Variants in AGBL1 observed in about 807,000 individuals in gnomAD.
AGBL1 encodes AGBL carboxypeptidase 1, also known as cytosolic carboxypeptidase 4.
AGBL1 carries 130 observed loss-of-function variants against 118.9 expected under a neutral mutation model. The observed-to-expected ratio is 1.09, with a 90% CI of 0.95 to 1.26. AGBL1 has a LOEUF of 1.26. Among genes scored for constraint, AGBL1 ranks in the 50% most tolerant of loss-of-function variants. The probability of loss-of-function intolerance (pLI) is 0.00; values close to 1 mark genes in which losing one functional copy is unlikely to be tolerated. For missense variants in AGBL1, 1,584 were observed against 1,298.1 expected (o/e 1.22, Z -3.38); for synonymous variants, 555 against 478.9 (o/e 1.16, Z -2.08).
At chr15:86,507,030 C>T (rs1233234224) in intron 18 of AGBL1, among the ~76,000 whole-genome samples, 1 of 151,922 alleles carries the variant, frequency 6.6e-6, no homozygotes, top group East Asian at 1.9e-4. Flanking sequence ...TGACATTTTT[C>T]TGATCCATGA....
At chr15:86,959,850 T>G (rs2080973708) in intron 23 of AGBL1, among the ~76,000 whole-genome samples, 1 of 152,054 alleles carries the variant, frequency 6.6e-6, no homozygotes, top group Non-Finnish European at 1.5e-5. Context: ...TATTTCCAGG[T>G]CAGATTTAGC....
intron 22 of AGBL1, among the ~76,000 whole-genome samples, chr15:86,785,520 G>T (rs115438193): frequency 6.6e-6 from 1 of 151,606 alleles, no homozygotes; most frequent in South Asian, 2.1e-4. Context: ...GACTACAGGC[G>T]CACATCACCA....
At position 86,181,148 on chromosome 15, in the gene AGBL1, ACTC is replaced by A. The variant is rs376487374; in HGVS notation, c.488+22126_488+22128del. Reference sequence around the variant, plus strand: ...CACACACCTATCATATTGTTCACACACTCCTCTTCTGGGTATTCATTTACACAA... The same window carrying A: ...CACACACCTATCATATTGTTCACACACTCTTCTGGGTATTCATTTACACAA... On this transcript the variant is annotated intron_variant, in intron 5 of 22. Transcript: ENST00000614907. Among the ~76,000 whole-genome samples, 657 of 151,994 alleles carry A rather than the reference ACTC, an allele frequency of 4.3e-3. 4 individuals carry two copies. The highest frequency in any genetic ancestry group is 0.015 in the African/African-American group (633 of 41,490).
At chr15:86,885,946 A>G (rs189407369) in intron 22 of AGBL1, among the ~76,000 whole-genome samples, 44 of 152,352 alleles carry the variant, frequency 2.9e-4, no homozygotes, top group African/African-American at 8.4e-4. Flanking sequence ...GCAACACTAA[A>G]TCCTTTTATC....
chr15:86,146,101 C>A (rs2141660987), intron 3 of AGBL1, among the ~76,000 whole-genome samples: 1 of 152,188 alleles, frequency 6.6e-6, no homozygotes, highest in African/African-American at 2.4e-5. Context: ...AGCTGTGTGA[C>A]CTTGGGCAAA....
chr15:86,887,160 C>A (rs1318314163), intron 22 of AGBL1, among the ~76,000 whole-genome samples: 1 of 152,134 alleles, frequency 6.6e-6, no homozygotes, highest in East Asian at 1.9e-4. Flanking sequence ...TAATAAGGTA[C>A]ATATATGTAA....
intron 18 of AGBL1, among the ~76,000 whole-genome samples, chr15:86,494,369 G>T (rs758223717): frequency 6.6e-6 from 1 of 152,024 alleles, no homozygotes; most frequent in Non-Finnish European, 1.5e-5. Flanking sequence ...CTTATAAAGT[G>T]TAGAATTTTG....
At chr15:86,762,040 A>G (rs1455257110) in intron 22 of AGBL1, among the ~76,000 whole-genome samples, 1 of 152,060 alleles carries the variant, frequency 6.6e-6, no homozygotes, top group African/African-American at 2.4e-5. Flanking sequence ...ATGCAGCCAT[A>G]AAAAGGAATG....
chr15:86,640,328 C>T (rs116913910), intron 21 of AGBL1, among the ~76,000 whole-genome samples: 1 of 152,222 alleles, frequency 6.6e-6, no homozygotes, highest in East Asian at 1.9e-4. Flanking sequence ...ATGTTACTTA[C>T]ACTTTCTGAT....
chr15:86,199,610 C>T (rs1281992486), intron 5 of AGBL1, among the ~76,000 whole-genome samples: 1 of 152,172 alleles, frequency 6.6e-6, no homozygotes, highest in Non-Finnish European at 1.5e-5. Flanking sequence ...TGACACTGAA[C>T]TGTTACGGAA....
intron 18 of AGBL1, among the ~76,000 whole-genome samples, chr15:86,404,160 T>C (rs187342344): frequency 6.6e-6 from 1 of 152,276 alleles, no homozygotes; most frequent in East Asian, 1.9e-4. Flanking sequence ...CAGATCTTCA[T>C]ATCCAGGGTG....
At chr15:86,220,835 G>A (rs2078269043) in intron 5 of AGBL1, among the ~76,000 whole-genome samples, 1 of 152,140 alleles carries the variant, frequency 6.6e-6, no homozygotes, top group Non-Finnish European at 1.5e-5. Context: ...ATCCCATAGG[G>A]AAGCTCAAAC....
At chr15:86,835,300 G>C (rs1306298155) in intron 22 of AGBL1, among the ~76,000 whole-genome samples, 1 of 152,086 alleles carries the variant, frequency 6.6e-6, no homozygotes, top group Non-Finnish European at 1.5e-5. Context: ...GTATTTAATA[G>C]AAGACATGAT....
intron 6 of AGBL1, among the ~76,000 whole-genome samples, chr15:86,229,880 C>A (rs1378833939): frequency 6.6e-6 from 1 of 152,316 alleles, no homozygotes; most frequent in Admixed American, 6.5e-5. Context: ...AAAACGCCTT[C>A]TGGTTCAGGC....
intron 5 of AGBL1, among the ~76,000 whole-genome samples, chr15:86,161,094 A>G (rs1238641376): frequency 6.6e-6 from 1 of 152,222 alleles, no homozygotes; most frequent in Non-Finnish European, 1.5e-5. Flanking sequence ...AAGTAATACC[A>G]GGGATTAAGG....
chr15:86,522,859 C>T lies in AGBL1; in HGVS notation c.2605C>T (p.Pro869Ser). 6.2e-7 allele frequency: 1 copy of T among 1,613,918 alleles called. No homozygotes were observed. The highest frequency in any genetic ancestry group is 1.7e-5 in the Admixed American group (1 of 60,016). The stretch of plus-strand genomic sequence containing the variant: ...AGATTTGAACAGACAATGGCTTTCT[C>T]CCAGTGCTCATCTGCAGCCAACCAT... ...GEDLNRQWLS[P>S]SAHLQPTIYH... Residue 869 changes from proline (P) to serine (S), a missense_variant, in exon 19 of 23, where the codon CCC (proline) becomes TCC (serine). Transcript: ENST00000614907.
At chr15:86,667,655 C>T (rs1440103933) in intron 21 of AGBL1, among the ~76,000 whole-genome samples, 4 of 151,788 alleles carry the variant, frequency 2.6e-5, no homozygotes, top group East Asian at 1.9e-4. Context: ...TTTTTTGGAC[C>T]GTAGGTGAGT....
intron 24 of AGBL1, among the ~76,000 whole-genome samples, chr15:87,005,950 G>A (rs1251356675): frequency 6.6e-6 from 1 of 152,202 alleles, no homozygotes; most frequent in Admixed American, 6.5e-5. Flanking sequence ...GGAGTTTGCT[G>A]GAGGTCCACT....
chr15:86,425,836 G>A (rs2081860085), intron 18 of AGBL1, among the ~76,000 whole-genome samples: 1 of 152,058 alleles, frequency 6.6e-6, no homozygotes, highest in Non-Finnish European at 1.5e-5. Context: ...CTAAAAGTAG[G>A]CAACTCTATG....
Sources: allele counts gnomAD v4.1 joint callset (sites outside exome capture counted in the v4.1 genomes callset), GRCh38; gene constraint gnomAD v4.1.1; transcripts MANE v1.5; gene names NCBI Gene and HGNC (gene_info 2026-07-23, HGNC 2026-07-21).